The following MDGA2 variants were observed in gnomAD, a reference collection of about 807,000 sequenced individuals.
MDGA2 encodes MAM domain-containing glycosylphosphatidylinositol anchor protein 2.
MDGA2 carries 40 observed loss-of-function variants against 117.8 expected under a neutral mutation model. The ratio of observed to expected loss-of-function variants is 0.34; its 90% CI spans 0.26 to 0.44. The LOEUF (loss-of-function observed/expected upper bound fraction) is 0.44. Ranked by LOEUF, MDGA2 falls within the 20% of genes least tolerant of loss-of-function variation. The probability of loss-of-function intolerance (pLI) is 1.00; values close to 1 mark genes in which losing one functional copy is unlikely to be tolerated. For synonymous variants in MDGA2, 452 were observed against 439.0 expected (o/e 1.03, Z -0.37); for missense variants, 1,123 against 1,250.6 (o/e 0.90, Z 1.54).
Position 47,038,695 on chromosome 14 carries a change from T to G in MDGA2, c.1526-3391A>C, listed in dbSNP as rs918596467. Among the ~76,000 whole-genome samples the G allele has an allele frequency of 2.0e-5, 3 of 151,870 alleles. No homozygotes were observed. In the East Asian group the frequency reaches 5.8e-4, roughly 29 times the overall value. ...GCTCATGCCTATAATTCCAGTACTT[T>G]GGGCGGCCGAGGAGGGCAGATCACA... On this transcript the variant is annotated intron_variant, in intron 7 of 16. Transcript: ENST00000399232.
At chr14:47,213,996 G>C (rs1158595888) in intron 3 of MDGA2, among the ~76,000 whole-genome samples, 1 of 152,066 alleles carries the variant, frequency 6.6e-6, no homozygotes, top group Non-Finnish European at 1.5e-5. Context: ...TCTTCACAAG[G>C]AAAAGTACCG....
chr14:47,301,336 T>G, intron 2 of MDGA2, 75 bp downstream of exon 2: 1 of 1,474,832 alleles, frequency 6.8e-7, no homozygotes, highest in Non-Finnish European at 9.2e-7. Flanking sequence ...TAGCTAAATA[T>G]TCTAAAATAT....
rs370795989 is a variant in MDGA2 at position 47,623,948 on chromosome 14, ACTT to A, written c.280+50566_280+50568del. 1.7e-3 allele frequency among the ~76,000 whole-genome samples: 256 copies of A among 152,280 alleles called. 2 individuals carry two copies. Among genetic ancestry groups the A allele is most frequent in the African/African-American group, 5.8e-3 (243 of 41,566 alleles). On this transcript the variant is annotated intron_variant, in intron 1 of 16. Transcript: ENST00000399232. The stretch of plus-strand genomic sequence containing the variant: ...TTCCCAAACCAAAGAACAATGGCCG[ACTT>A]CTTCTGGTAATCTCAGTGAGAAAAA...
intron 1 of MDGA2, among the ~76,000 whole-genome samples, chr14:47,649,343 T>TA (rs1897594521): frequency 6.6e-6 from 1 of 152,174 alleles, no homozygotes; most frequent in Non-Finnish European, 1.5e-5. Flanking sequence ...GTGGCTCCAG[T>TA]AAAATAAATG....
At chr14:47,577,195 T>C (rs1176882201) in intron 1 of MDGA2, among the ~76,000 whole-genome samples, 1 of 152,090 alleles carries the variant, frequency 6.6e-6, no homozygotes, top group Non-Finnish European at 1.5e-5. Flanking sequence ...ATTCCCTATT[T>C]AATAAATGGT....
chr14:47,581,392 A>G (rs762572863), intron 1 of MDGA2, among the ~76,000 whole-genome samples: 1 of 152,034 alleles, frequency 6.6e-6, no homozygotes, highest in Non-Finnish European at 1.5e-5. Context: ...AGAATTGGGA[A>G]TTGTGAACAA....
chr14:46,936,314 G>C (rs1157998109), intron 9 of MDGA2, among the ~76,000 whole-genome samples: 2 of 151,918 alleles, frequency 1.3e-5, no homozygotes, highest in African/African-American at 4.8e-5. Flanking sequence ...CATCATCTTT[G>C]CTCTTCTGCT....
intron 3 of MDGA2, among the ~76,000 whole-genome samples, chr14:47,174,147 G>T (rs980929823): frequency 6.6e-6 from 1 of 152,102 alleles, no homozygotes; most frequent in African/African-American, 2.4e-5. Flanking sequence ...GATTCATAAA[G>T]CAAGTCCTGA....
intron 8 of MDGA2, among the ~76,000 whole-genome samples, chr14:46,985,367 T>C (rs1352685538): frequency 6.6e-6 from 1 of 152,072 alleles, no homozygotes; most frequent in African/African-American, 2.4e-5. Flanking sequence ...AGTACTTAAG[T>C]ATATGTAGGA....
chr14:47,434,055 T>A (rs1892850356), intron 1 of MDGA2, among the ~76,000 whole-genome samples: 1 of 152,104 alleles, frequency 6.6e-6, no homozygotes, highest in Non-Finnish European at 1.5e-5. Context: ...GCTTTTCATA[T>A]CTGAAAAAAG....
At chr14:47,441,928 A>C (rs925352327) in intron 1 of MDGA2, among the ~76,000 whole-genome samples, 1 of 152,188 alleles carries the variant, frequency 6.6e-6, no homozygotes, top group Admixed American at 6.5e-5. Context: ...GCAACAGAAC[A>C]AATATTTTCC....
chr14:47,535,397 A>T (rs1955811), intron 1 of MDGA2, among the ~76,000 whole-genome samples: 114,361 of 152,130 alleles, frequency 0.75, 43,401 homozygotes, highest in East Asian at 1. Context: ...TGCAAACAGT[A>T]TAAATGGAAT....
chr14:47,154,621 G>T (rs1378278000), intron 3 of MDGA2, among the ~76,000 whole-genome samples: 1 of 151,062 alleles, frequency 6.6e-6, no homozygotes, highest in African/African-American at 2.4e-5. Flanking sequence ...CCCAAGCGCT[G>T]TCAAGACCAG....
intron 1 of MDGA2, among the ~76,000 whole-genome samples, chr14:47,512,643 T>G (rs898191398): frequency 1.3e-5 from 2 of 152,172 alleles, no homozygotes; most frequent in Non-Finnish European, 2.9e-5. Flanking sequence ...CTAATTTAAA[T>G]CCACAGTTCA....
chr14:46,942,718 G>C (rs1344119737), intron 9 of MDGA2, among the ~76,000 whole-genome samples: 1 of 152,040 alleles, frequency 6.6e-6, no homozygotes, highest in Non-Finnish European at 1.5e-5. Context: ...CCATCCACTT[G>C]CATGTATCAG....
chr14:47,119,075 G>GA (rs1368884283), intron 5 of MDGA2, among the ~76,000 whole-genome samples: 1 of 140,244 alleles, frequency 7.1e-6, no homozygotes, highest in Non-Finnish European at 1.5e-5. Context: ...TTTTGAGACG[G>GA]AGTCTCGCTC....
chr14:47,434,474 A>T (rs1219411295), intron 1 of MDGA2, among the ~76,000 whole-genome samples: 1 of 152,134 alleles, frequency 6.6e-6, no homozygotes. Flanking sequence ...GAAAGCTAAC[A>T]CTTTGATCAA....
intron 1 of MDGA2, among the ~76,000 whole-genome samples, chr14:47,539,778 G>A (rs887868305): frequency 6.6e-6 from 1 of 152,172 alleles, no homozygotes; most frequent in Non-Finnish European, 1.5e-5. Context: ...AATATTTACA[G>A]TTATATATGG....
chr14:47,159,484 A>G (rs1171345994), intron 3 of MDGA2, among the ~76,000 whole-genome samples: 1 of 152,164 alleles, frequency 6.6e-6, no homozygotes, highest in Non-Finnish European at 1.5e-5. Flanking sequence ...ACTCCCATTA[A>G]TTGTCCTTAA....
Sources: allele counts gnomAD v4.1 joint callset (sites outside exome capture counted in the v4.1 genomes callset), GRCh38; gene constraint gnomAD v4.1.1; transcripts MANE v1.5; gene names NCBI Gene and HGNC (gene_info 2026-07-23, HGNC 2026-07-21).